Variants in MORC1 observed in about 807,000 individuals in gnomAD.
The protein encoded by MORC1 is MORC family CW-type zinc finger 1.
A neutral mutation model predicts 134.9 loss-of-function variants in MORC1; 59 were observed. The observed-to-expected ratio is 0.44, with a 90% confidence interval of 0.35 to 0.54. MORC1 has a LOEUF of 0.54. Ranked by LOEUF, MORC1 falls within the 20% of genes least tolerant of loss-of-function variation. The probability of loss-of-function intolerance (pLI) is 0.00; values close to 1 mark genes in which losing one functional copy is unlikely to be tolerated. For missense variants in MORC1, 947 were observed against 1,134.5 expected (o/e 0.83, Z 2.37); for synonymous variants, 395 against 391.7 (o/e 1.01, Z -0.10).
intron 14 of MORC1, among the ~76,000 whole-genome samples, chr3:109,051,966 T>A (rs1012599846): frequency 3.3e-5 from 5 of 152,188 alleles, no homozygotes; most frequent in African/African-American, 1.2e-4. Context: ...ATAATTTTTA[T>A]GACCTTTAAA....
chr3:108,960,420 G>T (rs1559854593), intron 27 of MORC1, among the ~76,000 whole-genome samples: 1 of 152,214 alleles, frequency 6.6e-6, no homozygotes. Flanking sequence ...TGTAACAGGA[G>T]ATGAAACATG....
chr3:109,021,729 T>A (rs961135994), intron 17 of MORC1, among the ~76,000 whole-genome samples: 1 of 152,224 alleles, frequency 6.6e-6, no homozygotes, highest in African/African-American at 2.4e-5. Context: ...GTCTGTTTAG[T>A]AAACCACAAA....
chr3:109,063,877 T>C (rs1328585429), intron 9 of MORC1, among the ~76,000 whole-genome samples: 1 of 152,110 alleles, frequency 6.6e-6, no homozygotes, highest in Non-Finnish European at 1.5e-5. Context: ...CAGTTGAAAG[T>C]ATGTGCACCT....
At chr3:109,035,746 T>A (rs1949364803) in intron 14 of MORC1, among the ~76,000 whole-genome samples, 1 of 152,188 alleles carries the variant, frequency 6.6e-6, no homozygotes, top group Non-Finnish European at 1.5e-5. Flanking sequence ...ATTTTAAAAG[T>A]TATGTGTTTA....
At chr3:109,017,391 A>C (rs2107568770) in intron 17 of MORC1, among the ~76,000 whole-genome samples, 1 of 152,360 alleles carries the variant, frequency 6.6e-6, no homozygotes, top group East Asian at 1.9e-4. Context: ...TTCTGTGGAA[A>C]GAGCGATATA....
rs116609084 is a variant in MORC1 at position 109,092,138 on chromosome 3, C to T, written c.689+1298G>A. ...AAAGGGGAAGATAGTAATAGAGATGCTGAAAATTCTGGGACTCCTTTCTGA... is the reference window on the plus strand; with the variant it reads ...AAAGGGGAAGATAGTAATAGAGATGTTGAAAATTCTGGGACTCCTTTCTGA... On this transcript the variant is annotated intron_variant, in intron 8 of 27. Transcript: ENST00000232603. Among the ~76,000 whole-genome samples the T allele has an allele frequency of 1.8e-3, 272 of 152,270 alleles. 1 individual carries two copies. Among genetic ancestry groups the T allele is most frequent in the Non-Finnish European group, 3.2e-3 (217 of 68,032 alleles).
chr3:109,112,282 A>G (rs1951183839), intron 2 of MORC1, among the ~76,000 whole-genome samples: 1 of 152,206 alleles, frequency 6.6e-6, no homozygotes, highest in Non-Finnish European at 1.5e-5. Flanking sequence ...TCCTTCCTAT[A>G]TCACCACACA....
At chr3:109,034,963 G>A (rs564001012) in intron 15 of MORC1, among the ~76,000 whole-genome samples, 1 of 152,020 alleles carries the variant, frequency 6.6e-6, no homozygotes, top group South Asian at 2.1e-4. Flanking sequence ...TGCATAGGCT[G>A]GTATCAAACT....
At chr3:108,977,753 G>A (rs749652777) in intron 24 of MORC1, among the ~76,000 whole-genome samples, 4 of 152,246 alleles carry the variant, frequency 2.6e-5, no homozygotes, top group Non-Finnish European at 4.4e-5. Flanking sequence ...TCAAAGCTGA[G>A]GACCTTAAAT....
intron 14 of MORC1, among the ~76,000 whole-genome samples, chr3:109,053,437 C>A (rs944901810): frequency 6.6e-6 from 1 of 151,998 alleles, no homozygotes; most frequent in Non-Finnish European, 1.5e-5. Flanking sequence ...TGGAATACTA[C>A]ACAGCCATAA....
chr3:109,111,815 TA>T (rs901914308), intron 2 of MORC1, among the ~76,000 whole-genome samples: 1 of 152,154 alleles, frequency 6.6e-6, no homozygotes, highest in African/African-American at 2.4e-5. Flanking sequence ...TCTGAGTAGG[TA>T]CACTGTACTT....
At chr3:109,035,207 T>C in intron 15 of MORC1, 133 bp downstream of exon 15, 1 of 747,584 alleles carries the variant, frequency 1.3e-6, no homozygotes, top group Non-Finnish European at 2.1e-6. Flanking sequence ...CTTATAACTT[T>C]CTTCCAGACT....
intron 9 of MORC1, among the ~76,000 whole-genome samples, chr3:109,067,095 A>G (rs1950214857): frequency 6.6e-6 from 1 of 152,172 alleles, no homozygotes; most frequent in South Asian, 2.1e-4. Context: ...AGAGTATTCA[A>G]CAAGAGAACA....
At chr3:109,111,565 A>T (rs911281116) in intron 2 of MORC1, among the ~76,000 whole-genome samples, 1 of 152,220 alleles carries the variant, frequency 6.6e-6, no homozygotes, top group Admixed American at 6.5e-5. Context: ...TTTTAAAAGT[A>T]AAATTTTTAA....
At chr3:109,101,967 G>A (rs990879941) in intron 4 of MORC1, among the ~76,000 whole-genome samples, 1 of 152,138 alleles carries the variant, frequency 6.6e-6, no homozygotes, top group Non-Finnish European at 1.5e-5. Context: ...ATGGTTACCC[G>A]GTTCTGAGCA....
chr3:109,095,211 G>T, intron 6 of MORC1, 143 bp from the exon 7 acceptor site: 1 of 723,104 alleles, frequency 1.4e-6, no homozygotes, highest in Non-Finnish European at 2.2e-6. Context: ...TAATCTAGTT[G>T]TATAAGAGAC....
intron 18 of MORC1, 113 bp downstream of exon 18, chr3:109,006,916 T>A (rs1370994338): frequency 3.1e-6 from 2 of 639,000 alleles, no homozygotes; most frequent in East Asian, 5.9e-5. Flanking sequence ...AATCTACTAG[T>A]GCTTCACTAT....
At chr3:108,967,878 A>C (rs889116431) in intron 26 of MORC1, among the ~76,000 whole-genome samples, 15 of 152,198 alleles carry the variant, frequency 9.9e-5, no homozygotes, top group Non-Finnish European at 1.5e-5. Flanking sequence ...AGTTGAAAAA[A>C]AGTAGAATGA....
At chr3:109,103,699 TA>T (rs2107785851) in intron 4 of MORC1, 149 bp downstream of exon 4, 2 of 616,502 alleles carry the variant, frequency 3.2e-6, no homozygotes. Flanking sequence ...CTGGGATACT[TA>T]AACCTAAAAA....
Sources: gnomAD v4.1 joint callset for allele counts (sites outside exome capture counted in the v4.1 genomes callset) on GRCh38, gnomAD v4.1.1 for gene constraint, MANE v1.5 for transcripts, NCBI Gene and HGNC (gene_info 2026-07-23, HGNC 2026-07-21) for gene names.